The following DNMBP variants were observed in gnomAD, a reference collection of about 807,000 sequenced individuals.
The protein encoded by DNMBP is dynamin binding protein.
A neutral mutation model predicts 150.0 loss-of-function variants in DNMBP; 87 were observed. That is an observed-to-expected ratio of 0.58 (90% CI 0.49 to 0.69). The LOEUF (loss-of-function observed/expected upper bound fraction) is 0.69. Ranked by LOEUF, DNMBP falls within the 30% of genes least tolerant of loss-of-function variation. The probability of loss-of-function intolerance (pLI) is 0.00; values close to 1 mark genes in which losing one functional copy is unlikely to be tolerated. For missense variants in DNMBP, 1,774 were observed against 1,949.0 expected (o/e 0.91, Z 1.69); for synonymous variants, 711 against 750.4 (o/e 0.95, Z 0.86).
intron 1 of DNMBP, among the ~76,000 whole-genome samples, chr10:100,005,786 C>CAAAAAAAAAAAAATAAAAAAAAA (rs1589458237): frequency 9.9e-6 from 1 of 101,084 alleles, no homozygotes; most frequent in African/African-American, 4.8e-5. Flanking sequence ...AAAAAAAAAC[C>CAAAAAAAAAAAAATAAAAAAAAA]AAACTACATA....
intron 3 of DNMBP, among the ~76,000 whole-genome samples, chr10:99,962,310 C>T (rs2040573196): frequency 6.6e-6 from 1 of 152,172 alleles, no homozygotes; most frequent in African/African-American, 2.4e-5. Flanking sequence ...TTATGATTCC[C>T]TATCCCTTGG....
At chr10:99,928,467 C>T (rs767139340) in intron 4 of DNMBP, among the ~76,000 whole-genome samples, 6 of 152,072 alleles carry the variant, frequency 3.9e-5, no homozygotes, top group Middle Eastern at 3.2e-3. Flanking sequence ...CCAGAAAGGC[C>T]GTTTGGCATG....
At chr10:99,929,747 T>C (rs1309353072) in intron 4 of DNMBP, 2 of 702,916 alleles carry the variant, frequency 2.8e-6, no homozygotes, top group African/African-American at 3.5e-5. Flanking sequence ...TGTTCTTCTC[T>C]AATGACGAGC....
At chr10:99,927,151 G>A (rs1295916393) in intron 4 of DNMBP, 4 of 152,340 alleles carry the variant, frequency 2.6e-5, no homozygotes, top group Admixed American at 6.6e-5. Context: ...GATGGAGGAG[G>A]GGTGGCAAGG....
chr10:99,886,466 T>A lies in DNMBP; in HGVS notation c.3452A>T (p.Gln1151Leu), dbSNP rs756365440. The change falls in exon 13 of 17, where the codon CAG becomes CTG. Residue 1151 changes from glutamine to leucine, a missense_variant. Gln to Leu is a moderately radical substitution (Grantham distance 113). Transcript: ENST00000324109. ...LKDKKTLEELQSARNNYEALN... is the reference protein window; with the variant it reads ...LKDKKTLEELLSARNNYEALN... ...GGCCTCATAGTTGTTCCGGGCCGAC[T>A]GCAGCTCCTCCAGGGTCTTCTTGTC... 5 of 1,614,100 alleles carry A rather than the reference T, an allele frequency of 3.1e-6. No homozygotes were observed. Among genetic ancestry groups the A allele is most frequent in the Non-Finnish European group, 4.2e-6 (5 of 1,180,046 alleles).
intron 4 of DNMBP, among the ~76,000 whole-genome samples, chr10:99,953,665 GA>G (rs774377404): frequency 1.4e-4 from 21 of 151,876 alleles, no homozygotes; most frequent in Non-Finnish European, 2.4e-4. Context: ...GCTAAAAATA[GA>G]AAAATTAGCC....
intron 11 of DNMBP, among the ~76,000 whole-genome samples, chr10:99,892,654 AG>A (rs1564720190): frequency 6.2e-5 from 9 of 144,190 alleles, no homozygotes; most frequent in Non-Finnish European, 1.1e-4. Flanking sequence ...TAGGAAAACC[AG>A]AGACCTTTGT....
chr10:99,894,982 A>G lies in DNMBP; in HGVS notation c.3120T>C (p.Phe1040=), dbSNP rs2039630096. ...FRMQERLIKS[F]IRDLSLYLQH... is the part of the protein sequence containing the mutation. ...GGAGGTAGAGAGACAGGTCTCGGAT[A>G]AAAGACTTAATCAATCTTTCTTGCA... The change falls in exon 11 of 17, where the codon TTT becomes TTC. Residue 1040 remains phenylalanine (F), a synonymous_variant. Transcript: ENST00000324109. The G allele has an allele frequency of 3.7e-6, 6 of 1,613,966 alleles. No individual in the cohort carries two copies. The highest frequency in any genetic ancestry group is 2.7e-5 in the African/African-American group (2 of 74,936).
intron 10 of DNMBP, 151 bp from the exon 11 acceptor site, chr10:99,895,201 AC>A (rs1338941085): frequency 3.5e-6 from 2 of 574,522 alleles, no homozygotes; most frequent in Non-Finnish European, 3.1e-6. Context: ...ATCTTGGCTC[AC>A]TGCAACCTCC....
At chr10:99,946,582 A>G (rs1203191442) in intron 4 of DNMBP, among the ~76,000 whole-genome samples, 1 of 152,218 alleles carries the variant, frequency 6.6e-6, no homozygotes, top group African/African-American at 2.4e-5. Flanking sequence ...CTGGACTTCC[A>G]TCTCTCACCA....
chr10:99,889,383 C>G (rs2039522525), intron 11 of DNMBP: 1 of 154,352 alleles, frequency 6.5e-6, no homozygotes, highest in African/African-American at 2.4e-5. Context: ...AACCTGGTTT[C>G]CCATCCGACC....
At chr10:99,927,414 CATT>C (rs2040093868) in intron 4 of DNMBP, 1 of 152,148 alleles carries the variant, frequency 6.6e-6, no homozygotes, top group Non-Finnish European at 1.5e-5. Context: ...TTTTCTATCT[CATT>C]ATGAGAGAGG....
At chr10:99,891,387 C>T (rs1261359050) in intron 11 of DNMBP, among the ~76,000 whole-genome samples, 1 of 151,596 alleles carries the variant, frequency 6.6e-6, no homozygotes, top group Non-Finnish European at 1.5e-5. Flanking sequence ...GTTGGCCAGG[C>T]CGGTCTCCAG....
chr10:99,878,153 G>A (rs1035466853), intron 16 of DNMBP, among the ~76,000 whole-genome samples: 5 of 152,172 alleles, frequency 3.3e-5, no homozygotes, highest in African/African-American at 9.7e-5. Context: ...GGTGGAAGAC[G>A]AGCATACTCT....
Position 99,991,905 on chromosome 10 carries a change from CAA to C in DNMBP, c.-11+17931_-11+17932del, listed in dbSNP as rs71009797. Among the ~76,000 whole-genome samples, 151 of 104,992 alleles carry C rather than the reference CAA, an allele frequency of 1.4e-3. 2 individuals carry two copies. Among genetic ancestry groups the C allele is most frequent in the African/African-American group, 2.5e-3 (71 of 28,836 alleles). 68.9% of individuals were successfully genotyped at this position (104,992 alleles called of 152,430 possible). ...TGGGTGACAGAGCGAGACTCCACCT[CAA>C]AAAAAAAAAAAAAAAGAAATATGAT... On this transcript the variant is annotated intron_variant, in intron 1 of 16. Transcript: ENST00000324109.
intron 1 of DNMBP, among the ~76,000 whole-genome samples, chr10:100,007,498 T>A (rs552137836): frequency 6.6e-6 from 1 of 151,976 alleles, no homozygotes; most frequent in South Asian, 2.1e-4. Context: ...ATGTGTTCAG[T>A]GAATAAACAA....
In DNMBP at chr10:99,915,315, G is replaced by C. The variant is rs564251042; in HGVS notation, c.2261-6169C>G. 4.6e-5 allele frequency among the ~76,000 whole-genome samples: 7 copies of C among 151,408 alleles called. No individual in the cohort carries two copies. In the South Asian group the frequency reaches 1.5e-3, roughly 32 times the overall value. On this transcript the variant is annotated intron_variant, in intron 4 of 16. Coordinates refer to ENST00000324109, the MANE Select transcript of DNMBP (RefSeq NM_015221.4). ...GAAATTCATCCCAGAGTTTGTCTCA[G>C]GGAAGGACCTAGGATTTGGGGGAGA...
chr10:99,927,087 C>A (rs2040087563), intron 4 of DNMBP: 1 of 152,374 alleles, frequency 6.6e-6, no homozygotes, highest in African/African-American at 2.4e-5. Context: ...GAAAACTTGG[C>A]TTCCTGCCTG....
chr10:99,969,460 G>T (rs904618242), intron 2 of DNMBP, among the ~76,000 whole-genome samples: 1 of 152,146 alleles, frequency 6.6e-6, no homozygotes, highest in African/African-American at 2.4e-5. Flanking sequence ...ATTTACTGGG[G>T]GCTGCTATAG....
Sources: gnomAD v4.1 joint callset for allele counts (sites outside exome capture counted in the v4.1 genomes callset) on GRCh38, gnomAD v4.1.1 for gene constraint, MANE v1.5 for transcripts, NCBI Gene and HGNC (gene_info 2026-07-23, HGNC 2026-07-21) for gene names.